RPGR: variants seen among roughly 807,000 people sequenced by gnomAD.
RPGR encodes X-linked retinitis pigmentosa GTPase regulator.
A neutral mutation model predicts 56.3 loss-of-function variants in RPGR; 10 were observed. The observed-to-expected ratio is 0.18, with a 90% CI of 0.11 to 0.30. The LOEUF (loss-of-function observed/expected upper bound fraction) is 0.30, where lower values mean the gene tolerates loss of function less well. Ranked by LOEUF, RPGR falls within the 10% of genes least tolerant of loss-of-function variation. The pLI is 1.00. For synonymous variants in RPGR, 197 were observed against 212.9 expected, an observed-to-expected ratio of 0.93 and a Z score of 0.65; for missense variants, 538 against 590.9, an observed-to-expected ratio of 0.91 and a Z score of 0.93.
intron 13 of RPGR, among the ~76,000 whole-genome samples, chrX:38,289,703 G>A (rs771797945): frequency 8.9e-6 from 1 of 112,492 alleles, no homozygotes; most frequent in Non-Finnish European, 1.9e-5. Flanking sequence ...AGGCCTGGTA[G>A]GGCCTAAACT....
chrX:38,319,624 G>A (rs979186073), intron 4 of RPGR, among the ~76,000 whole-genome samples: 1 of 111,959 alleles, frequency 8.9e-6, no homozygotes, highest in Admixed American at 9.5e-5. Flanking sequence ...ATAAAATGAG[G>A]ATAATAATAG....
chrX:38,292,010 C>T (rs781092238), intron 11 of RPGR, among the ~76,000 whole-genome samples: 9 of 111,225 alleles, frequency 8.1e-5, no homozygotes, highest in African/African-American at 2.6e-4. Context: ...CAGCTACACT[C>T]GTGCACTCCC....
intron 12 of RPGR, 65 bp downstream of exon 12, chrX:38,291,328 C>T: frequency 1.5e-6 from 1 of 658,703 alleles, no homozygotes; most frequent in Non-Finnish European, 2.5e-6. Context: ...AGTATACACA[C>T]ATTCACATAC....
intron 6 of RPGR, among the ~76,000 whole-genome samples, chrX:38,314,074 T>G (rs1002794460): frequency 2.0e-4 from 22 of 111,350 alleles, no homozygotes; most frequent in African/African-American, 6.9e-4. Flanking sequence ...AGAAAAGGTC[T>G]GTGCATAAAT....
chrX:38,291,130 TA>T (rs2067272731), intron 12 of RPGR, 106 bp from the exon 13 acceptor site: 5 of 138,483 alleles, frequency 3.6e-5, no homozygotes, highest in Non-Finnish European at 6.9e-5. Context: ...TATATTTTTT[TA>T]TATATATATA....
At chrX:38,292,301 A>AT (rs1210855420) in intron 11 of RPGR, among the ~76,000 whole-genome samples, 4 of 112,795 alleles carry the variant, frequency 3.5e-5, no homozygotes, top group South Asian at 3.6e-4. Context: ...TTTTAGGGTC[A>AT]TTTTTTAAAT....
Position 38,317,774 on chromosome X carries a change from C to G in RPGR, c.470-309G>C, listed in dbSNP as rs187560224. 69 of 205,458 alleles carry G rather than the reference C, an allele frequency of 3.4e-4. No individual in the cohort carries two copies. In the Middle Eastern group the frequency reaches 6.7e-3, roughly 20 times the overall value. The allele number at this position is 205,458 out of a possible 1,213,427, so 16.9% of individuals were successfully genotyped here. ...ATCACCCTTTCCCATTCTGATGTTTCTAAACAGAAATGTTCTCCTCCTTCC... is the reference window on the plus strand; with the variant it reads ...ATCACCCTTTCCCATTCTGATGTTTGTAAACAGAAATGTTCTCCTCCTTCC... On this transcript the variant is annotated intron_variant, in intron 5 of 18. Coordinates refer to ENST00000642395, the MANE Select transcript of RPGR (RefSeq NM_000328.3).
intron 6 of RPGR, among the ~76,000 whole-genome samples, chrX:38,313,687 T>A (rs1253944574): frequency 9.0e-6 from 1 of 111,617 alleles, no homozygotes; most frequent in Non-Finnish European, 1.9e-5. Context: ...AAAACTGTGT[T>A]CTAAACCTGC....
chrX:38,313,662 A>G (rs1195958639), intron 6 of RPGR, among the ~76,000 whole-genome samples: 1 of 111,794 alleles, frequency 8.9e-6, no homozygotes, highest in Non-Finnish European at 1.9e-5. Flanking sequence ...ACTCAATCGC[A>G]GCATCACCTT....
chrX:38,316,338 C>G (rs752809279), intron 6 of RPGR, among the ~76,000 whole-genome samples: 4 of 111,275 alleles, frequency 3.6e-5, no homozygotes, highest in Non-Finnish European at 5.7e-5. Flanking sequence ...AATGTAATGC[C>G]TGTTGGTTAA....
intron 18 of RPGR, chrX:38,272,332 G>T (rs183308517): frequency 9.5e-6 from 1 of 105,464 alleles, no homozygotes; most frequent in Non-Finnish European, 1.9e-5. Context: ...GGTGGCTCAC[G>T]CCTGTAATCC....
intron 6 of RPGR, among the ~76,000 whole-genome samples, chrX:38,311,104 C>A (rs1025018086): frequency 4.4e-5 from 5 of 112,441 alleles, no homozygotes; most frequent in Admixed American, 3.8e-4. Flanking sequence ...CCTATGGTAT[C>A]CCCAAAACCT....
chrX:38,277,472 C>CTT (rs765674122), intron 15 of RPGR, among the ~76,000 whole-genome samples: 18 of 101,585 alleles, frequency 1.8e-4, no homozygotes, highest in African/African-American at 6.4e-4. Flanking sequence ...ACTGAGATTT[C>CTT]TTTTTTTTTT....
intron 18 of RPGR, among the ~76,000 whole-genome samples, chrX:38,270,343 G>A (rs1015859656): frequency 4.6e-5 from 5 of 107,999 alleles, no homozygotes; most frequent in African/African-American, 1.7e-4. Context: ...GGCCAGGCGC[G>A]GTAGCCCATG....
At chrX:38,313,907 G>C (rs2067768110) in intron 6 of RPGR, among the ~76,000 whole-genome samples, 1 of 112,071 alleles carries the variant, frequency 8.9e-6, no homozygotes, top group Admixed American at 9.5e-5. Flanking sequence ...ATAGTAAGTT[G>C]ATGAAGTTTC....
At chrX:38,311,378 A>G (rs1014466958) in intron 6 of RPGR, among the ~76,000 whole-genome samples, 1 of 112,188 alleles carries the variant, frequency 8.9e-6, no homozygotes, top group Non-Finnish European at 1.9e-5. Context: ...ATGACTGTGA[A>G]CTTCTTGAAA....
intron 11 of RPGR, among the ~76,000 whole-genome samples, chrX:38,294,658 A>C (rs1323778591): frequency 8.9e-6 from 1 of 111,888 alleles, no homozygotes; most frequent in Non-Finnish European, 1.9e-5. Flanking sequence ...TTTCTTCCTC[A>C]AACGTGTTCT....
At chrX:38,323,265 GAATTCTCCAGC>G (rs2067982923) in intron 2 of RPGR, 123 bp downstream of exon 2, 1 of 645,069 alleles carries the variant, frequency 1.6e-6, no homozygotes, top group Non-Finnish European at 2.4e-6. Context: ...ATTTTGTGAA[GAATTCTCCAGC>G]AAAGTAAAAA....
In RPGR at chrX:38,292,913, C is replaced by G. The variant is rs1360007103; in HGVS notation, c.1415-1429G>C. Reference sequence around the variant, plus strand: ...GCCCATTCCTAATAAAGCAGCAGAACAGTAGTCTCAGCAAATGAGTAGAGG... The same window carrying G: ...GCCCATTCCTAATAAAGCAGCAGAAGAGTAGTCTCAGCAAATGAGTAGAGG... On this transcript the variant is annotated intron_variant, in intron 11 of 18. Transcript: ENST00000642395. Among the ~76,000 whole-genome samples, 8 of 111,454 alleles carry G rather than the reference C, an allele frequency of 7.2e-5. No homozygotes were observed. The East Asian group carries it at 2.3e-3, about 32-fold the overall frequency.
Sources: allele counts gnomAD v4.1 joint callset (sites outside exome capture counted in the v4.1 genomes callset), GRCh38; gene constraint gnomAD v4.1.1; transcripts MANE v1.5; gene names NCBI Gene and HGNC (gene_info 2026-07-23, HGNC 2026-07-21).